Variants in CRTAC1 observed in about 807,000 individuals in gnomAD.
The protein encoded by CRTAC1 is acidic secreted protein in cartilage.
A neutral mutation model predicts 67.8 loss-of-function variants in CRTAC1; 37 were observed. That is an observed-to-expected ratio of 0.55 (90% confidence interval 0.42 to 0.72). CRTAC1 has a LOEUF of 0.72. Among genes scored for constraint, CRTAC1 ranks in the 30% least tolerant of loss-of-function variants. The pLI, the probability that CRTAC1 is intolerant of heterozygous loss-of-function variation, is 0.00. For synonymous variants in CRTAC1, 348 were observed against 371.0 expected (o/e 0.94, Z 0.71); for missense variants, 780 against 931.6 (o/e 0.84, Z 2.12).
intron 2 of CRTAC1, among the ~76,000 whole-genome samples, chr10:98,002,470 C>A (rs926534444): frequency 2.0e-5 from 3 of 152,126 alleles, no homozygotes; most frequent in Non-Finnish European, 4.4e-5. Context: ...CCTTCCAAGG[C>A]CATTGAAATG....
At chr10:98,025,231 G>A (rs1843204392) in intron 1 of CRTAC1, among the ~76,000 whole-genome samples, 1 of 152,058 alleles carries the variant, frequency 6.6e-6, no homozygotes, top group Non-Finnish European at 1.5e-5. Flanking sequence ...TCTCAATCTT[G>A]GTGTTAATGA....
chr10:98,000,177 G>A (rs2136682674), intron 2 of CRTAC1, among the ~76,000 whole-genome samples: 1 of 152,308 alleles, frequency 6.6e-6, no homozygotes, highest in Non-Finnish European at 1.5e-5. Flanking sequence ...AGAATGGCAA[G>A]GCTGAAAGAG....
intron 5 of CRTAC1, among the ~76,000 whole-genome samples, chr10:97,913,197 A>G (rs1416164083): frequency 6.6e-6 from 1 of 152,182 alleles, no homozygotes; most frequent in East Asian, 1.9e-4. Flanking sequence ...GGATGGTAAC[A>G]GGGTCTCTCA....
chr10:97,865,177 T>G lies in CRTAC1; in HGVS notation c.*371A>C. Reference sequence around the variant, plus strand: ...ATGGATGGCTAACAAGTTAAGTGACTGGTGTAAGGTCACATAGCTTTGTGA... The same window carrying G: ...ATGGATGGCTAACAAGTTAAGTGACGGGTGTAAGGTCACATAGCTTTGTGA... On this transcript the variant is annotated 3_prime_UTR_variant, in exon 15 of 15. Coordinates refer to ENST00000370597, the MANE Select transcript of CRTAC1 (RefSeq NM_018058.7). 1 of 192,232 alleles carries G rather than the reference T, an allele frequency of 5.2e-6. No homozygotes were observed. The highest frequency in any genetic ancestry group is 1.1e-5 in the Non-Finnish European group (1 of 94,580). 11.9% of individuals were successfully genotyped at this position (192,232 alleles called of 1,614,324 possible).
intron 2 of CRTAC1, among the ~76,000 whole-genome samples, chr10:97,961,393 A>G (rs2051523265): frequency 6.6e-6 from 1 of 152,192 alleles, no homozygotes; most frequent in African/African-American, 2.4e-5. Flanking sequence ...TGAAAAACTC[A>G]CAGAAATTAC....
chr10:97,878,723 C>T (rs1323603619), intron 14 of CRTAC1: 2 of 1,302,638 alleles, frequency 1.5e-6, no homozygotes, highest in South Asian at 2.5e-5. Context: ...TGAGCCAGGC[C>T]TATGTCCAGC....
At chr10:97,964,935 C>T (rs147554725) in intron 2 of CRTAC1, among the ~76,000 whole-genome samples, 1 of 152,306 alleles carries the variant, frequency 6.6e-6, no homozygotes, top group East Asian at 1.9e-4. Flanking sequence ...CTTGGCATGA[C>T]ACCAGCCCAG....
intron 2 of CRTAC1, among the ~76,000 whole-genome samples, chr10:97,980,053 G>A (rs2051867646): frequency 6.6e-6 from 1 of 152,146 alleles, no homozygotes; most frequent in Non-Finnish European, 1.5e-5. Flanking sequence ...TGTAAGCTCT[G>A]GGACTGAATT....
At chr10:98,014,616 C>CA (rs1348760377) in intron 1 of CRTAC1, among the ~76,000 whole-genome samples, 1 of 152,026 alleles carries the variant, frequency 6.6e-6, no homozygotes, top group Admixed American at 6.5e-5. Context: ...AACTCAACAA[C>CA]AAAAAAACTA....
chr10:97,882,811 G>C lies in CRTAC1; in HGVS notation c.1650C>G (p.Ser550=). The part of the protein sequence containing the change: ...PAPLECGQGF[S]QQENGHCMDT... ...CCATGCAATGGCCATTTTCCTGCTG[G>C]GAGAATCCTTGGCCACACTGTAAGG... Residue 550 remains serine, a synonymous_variant, in exon 13 of 15, where the codon TCC becomes TCG. Coordinates refer to ENST00000370597, the MANE Select transcript of CRTAC1 (RefSeq NM_018058.7). The C allele has an allele frequency of 1.2e-6, 2 of 1,614,216 alleles. No homozygotes were observed. Among genetic ancestry groups the C allele is most frequent in the Non-Finnish European group, 1.7e-6 (2 of 1,180,040 alleles).
At chr10:97,930,296 G>A (rs2050984993) in intron 3 of CRTAC1, among the ~76,000 whole-genome samples, 1 of 152,190 alleles carries the variant, frequency 6.6e-6, no homozygotes, top group South Asian at 2.1e-4. Context: ...CCATGGGGAT[G>A]GCCTCTGGGG....
chr10:97,937,933 G>A (rs748411801), intron 2 of CRTAC1, among the ~76,000 whole-genome samples: 1 of 152,236 alleles, frequency 6.6e-6, no homozygotes, highest in Non-Finnish European at 1.5e-5. Context: ...CCCAGGGAGG[G>A]CAGGAAGAGC....
At chr10:97,978,780 C>T (rs2051846718) in intron 2 of CRTAC1, among the ~76,000 whole-genome samples, 1 of 152,212 alleles carries the variant, frequency 6.6e-6, no homozygotes, top group Admixed American at 6.5e-5. Context: ...GACTTGCTGT[C>T]TTCCTATTGC....
chr10:97,892,079 A>G (rs1428523813), intron 11 of CRTAC1, among the ~76,000 whole-genome samples: 2 of 152,200 alleles, frequency 1.3e-5, no homozygotes, highest in East Asian at 3.9e-4. Flanking sequence ...GGAGCTCCCA[A>G]TGAAGTGCAG....
intron 12 of CRTAC1, 41 bp from the exon 13 acceptor site, chr10:97,882,869 A>C: frequency 6.2e-7 from 1 of 1,606,394 alleles, no homozygotes; most frequent in Non-Finnish European, 8.5e-7. Context: ...TGAGTTGAGA[A>C]GGTCCCATCC....
intron 2 of CRTAC1, among the ~76,000 whole-genome samples, chr10:98,001,387 A>G (rs2136683961): frequency 6.6e-6 from 1 of 152,302 alleles, no homozygotes; most frequent in East Asian, 1.9e-4. Context: ...CTCATCTGCA[A>G]AGCAGGGACG....
intron 2 of CRTAC1, among the ~76,000 whole-genome samples, chr10:97,974,038 T>TC (rs2136656085): frequency 6.7e-6 from 1 of 149,648 alleles, no homozygotes; most frequent in African/African-American, 2.4e-5. Context: ...GGTGACCTCA[T>TC]CTACTTTTGA....
rs1006244086 is a variant in CRTAC1, at chr10:98,030,180, G to A, written c.24+269C>T. 1.1e-4 allele frequency among the ~76,000 whole-genome samples: 17 copies of A among 151,898 alleles called. No individual in the cohort carries two copies. In the East Asian group the frequency reaches 1.6e-3, roughly 14 times the overall value. ...CCCAACACTTTCTCTGCCAGCTGCT[G>A]GCTGTCGCCCCCACACATCAGCTCC... is the stretch of plus-strand genomic sequence containing the variant. On this transcript the variant is annotated intron_variant, in intron 1 of 14. Coordinates refer to ENST00000370597, the MANE Select transcript of CRTAC1 (RefSeq NM_018058.7). This position sits in a 1 kb window ranked among gnomAD's most constrained non-coding sequence, Gnocchi z 4.2.
chr10:97,908,447 T>C (rs2136575492), intron 5 of CRTAC1, among the ~76,000 whole-genome samples: 2 of 152,266 alleles, frequency 1.3e-5, no homozygotes, highest in Non-Finnish European at 2.9e-5. Flanking sequence ...ACAATCATCT[T>C]AAATCCTAAA....
Sources: allele counts gnomAD v4.1 joint callset (sites outside exome capture counted in the v4.1 genomes callset), GRCh38; gene constraint gnomAD v4.1.1; non-coding constraint Gnocchi (gnomAD v3.1); transcripts MANE v1.5; gene names NCBI Gene and HGNC (gene_info 2026-07-23, HGNC 2026-07-21).